Variants in INVS observed in about 807,000 individuals in gnomAD.
The protein encoded by INVS is inversin.
A neutral mutation model predicts 108.8 loss-of-function variants in INVS; 86 were observed. The observed-to-expected ratio is 0.79, with a 90% confidence interval of 0.66 to 0.95. The LOEUF (loss-of-function observed/expected upper bound fraction) is 0.95. Ranked by LOEUF, INVS falls within the 40% of genes least tolerant of loss-of-function variation. The probability of loss-of-function intolerance (pLI) is 0.00; values close to 1 mark genes in which losing one functional copy is unlikely to be tolerated. For missense variants in INVS, 1,169 were observed against 1,297.4 expected (o/e 0.90, Z 1.52); for synonymous variants, 455 against 473.5 (o/e 0.96, Z 0.51).
At chr9:100,168,358 C>T (rs1004545518) in intron 3 of INVS, among the ~76,000 whole-genome samples, 5 of 152,256 alleles carry the variant, frequency 3.3e-5, no homozygotes, top group East Asian at 1.9e-4. Context: ...CTGCTGGCAA[C>T]GATCAGCCTG....
At chr9:100,190,359 T>C (rs1271685209) in intron 3 of INVS, among the ~76,000 whole-genome samples, 1 of 152,198 alleles carries the variant, frequency 6.6e-6, no homozygotes, top group Non-Finnish European at 1.5e-5. Flanking sequence ...ATAGACCATT[T>C]ACATTTAACG....
Position 100,297,048 on chromosome 9 carries a change from T to C in INVS, c.2918T>C (p.Phe973Ser), listed in dbSNP as rs890318030. The C allele has an allele frequency of 1.4e-5, 23 of 1,613,364 alleles. No individual in the cohort carries two copies. The highest frequency in any genetic ancestry group is 1.9e-5 in the Non-Finnish European group (22 of 1,179,898). ...QVWRKELELKFPQTTAVSKAP... is the reference protein window; with the variant it reads ...QVWRKELELKSPQTTAVSKAP... ...TGGAGGAAGGAACTGGAACTAAAAT[T>C]CCCCCAAACCACTGCAGTAAGCAAG... The change falls in exon 15 of 17, where the codon TTC becomes TCC. Residue 973 changes from phenylalanine to serine, a missense_variant. By Grantham distance (155) the Phe-to-Ser change is radical (BLOSUM62 -2). Coordinates refer to ENST00000262457, the MANE Select transcript of INVS (RefSeq NM_014425.5).
chr9:100,280,666 T>C (rs1833247426), intron 12 of INVS, among the ~76,000 whole-genome samples: 2 of 152,224 alleles, frequency 1.3e-5, no homozygotes, highest in Non-Finnish European at 2.9e-5. Flanking sequence ...ACAAGTAAAA[T>C]AGATCTTTAT....
At chr9:100,106,042 A>G (rs903098028) in intron 2 of INVS, among the ~76,000 whole-genome samples, 5 of 151,948 alleles carry the variant, frequency 3.3e-5, no homozygotes, top group African/African-American at 1.2e-4. Context: ...TTTTTCTGTA[A>G]TGAATGTTTC....
chr9:100,238,121 C>T (rs1831748710), intron 5 of INVS, among the ~76,000 whole-genome samples: 1 of 151,970 alleles, frequency 6.6e-6, no homozygotes, highest in Admixed American at 6.6e-5. Flanking sequence ...TCAAGTGATC[C>T]ACCTACGTCA....
chr9:100,102,670 A>T (rs1347865719), intron 1 of INVS: 3 of 152,318 alleles, frequency 2.0e-5, no homozygotes, highest in Non-Finnish European at 4.4e-5. Flanking sequence ...TCAGGTGTCC[A>T]CTTTAAGTTT....
intron 3 of INVS, chr9:100,215,033 A>G (rs1359012977): frequency 3.9e-5 from 6 of 152,176 alleles, no homozygotes; most frequent in Non-Finnish European, 8.8e-5. Flanking sequence ...CCTGTAGCTT[A>G]TAGAAGGGTA....
At chr9:100,161,205 A>G (rs115144777) in intron 3 of INVS, among the ~76,000 whole-genome samples, 3 of 151,520 alleles carry the variant, frequency 2.0e-5, no homozygotes, top group African/African-American at 4.8e-5. Context: ...GTGAAACTCT[A>G]TCTGTACCAA....
intron 2 of INVS, among the ~76,000 whole-genome samples, chr9:100,108,646 C>T (rs1449475667): frequency 6.6e-6 from 1 of 151,952 alleles, no homozygotes; most frequent in Admixed American, 6.6e-5. Context: ...TTCTTGAATC[C>T]TTGTTCACCA....
intron 5 of INVS, among the ~76,000 whole-genome samples, chr9:100,237,756 G>C (rs1408794896): frequency 1.3e-5 from 2 of 152,130 alleles, no homozygotes; most frequent in African/African-American, 4.8e-5. Context: ...CTCACCTTCT[G>C]CATTGGTCTC....
chr9:100,241,168 A>G (rs1368950433), intron 6 of INVS, among the ~76,000 whole-genome samples: 1 of 152,044 alleles, frequency 6.6e-6, no homozygotes, highest in Non-Finnish European at 1.5e-5. Context: ...TGATGTTTAT[A>G]TGTGCACTCA....
intron 3 of INVS, 71 bp downstream of exon 3, chr9:100,126,620 CAATGGACAGATAATAAAGAAGTCTCA>C (rs1341316699): frequency 2.2e-6 from 3 of 1,374,514 alleles, no homozygotes; most frequent in Non-Finnish European, 3.1e-6. Context: ...TGGAACTATG[CAATGGACAGATAATAAAGAAGTCTCA>C]AATGCATGAC....
In INVS at chr9:100,264,944, C is replaced by CTTTTTTTTTTTTTTTTTTTTTTTTTTT; in HGVS notation, c.1571+32_1571+33insTTTTTTTTTTTTTTTTTTTTTTTTTTT. 2 of 1,241,804 alleles carry CTTTTTTTTTTTTTTTTTTTTTTTTTTT rather than the reference C, an allele frequency of 1.6e-6. No individual in the cohort carries two copies. Among genetic ancestry groups the CTTTTTTTTTTTTTTTTTTTTTTTTTTT allele is most frequent in the Non-Finnish European group, 1.1e-6 (1 of 881,874 alleles). 76.9% of individuals were successfully genotyped at this position (1,241,804 alleles called of 1,614,324 possible). The stretch of plus-strand genomic sequence containing the variant: ...ATGAAGAGAGGTAAGTTGTTGTTGA[C>CTTTTTTTTTTTTTTTTTTTTTTTTTTT]TTTTTTTTTTTTTTTTGAGATGGCT... On this transcript the variant is annotated intron_variant, in intron 11 of 16. Coordinates refer to ENST00000262457, the MANE Select transcript of INVS (RefSeq NM_014425.5).
chr9:100,193,925 G>A lies in INVS; in HGVS notation c.274-32137G>A, dbSNP rs577855157. 3.0e-4 allele frequency among the ~76,000 whole-genome samples: 45 copies of A among 152,262 alleles called. 1 individual carries two copies. In the South Asian group the frequency reaches 6.8e-3, roughly 23 times the overall value. On this transcript the variant is annotated intron_variant, in intron 3 of 16. Coordinates refer to ENST00000262457, the MANE Select transcript of INVS (RefSeq NM_014425.5). ...AGGTAAAAGTTTCAAGTTTACAGGCGTAAGCAACAGCACCTAGCCTTGGAT... is the reference window on the plus strand; with the variant it reads ...AGGTAAAAGTTTCAAGTTTACAGGCATAAGCAACAGCACCTAGCCTTGGAT...
In INVS at chr9:100,141,690, G is replaced by A. The variant is rs1008948846; in HGVS notation, c.273+15141G>A. 3.9e-5 allele frequency among the ~76,000 whole-genome samples: 6 copies of A among 152,272 alleles called. No homozygotes were observed. The South Asian group carries it at 6.2e-4, about 16-fold the overall frequency. ...CAGTCCTGGGCAGGGGCAAATCTCC[G>A]AGCTTGATATGTAGGAAAGGGAGGA... On this transcript the variant is annotated intron_variant, in intron 3 of 16. Coordinates refer to ENST00000262457, the MANE Select transcript of INVS (RefSeq NM_014425.5).
intron 13 of INVS, among the ~76,000 whole-genome samples, chr9:100,291,943 A>T (rs1365575208): frequency 6.6e-6 from 1 of 152,252 alleles, no homozygotes; most frequent in Non-Finnish European, 1.5e-5. Flanking sequence ...GTTAAAGCAC[A>T]GCCAGATATT....
intron 3 of INVS, among the ~76,000 whole-genome samples, chr9:100,217,058 C>G (rs1424662159): frequency 6.6e-6 from 1 of 152,126 alleles, no homozygotes; most frequent in Admixed American, 6.5e-5. Flanking sequence ...CCTGTAATCC[C>G]AGAACGTTGA....
chr9:100,134,659 G>A (rs1828167870), intron 3 of INVS, among the ~76,000 whole-genome samples: 1 of 152,102 alleles, frequency 6.6e-6, no homozygotes, highest in Non-Finnish European at 1.5e-5. Flanking sequence ...AGGTGGTATT[G>A]TGTTGTGGTT....
chr9:100,268,780 T>G (rs978170000), intron 11 of INVS, among the ~76,000 whole-genome samples: 1 of 152,144 alleles, frequency 6.6e-6, no homozygotes, highest in Non-Finnish European at 1.5e-5. Flanking sequence ...CTAAGAAGTC[T>G]AGTTCTTCTC....
Sources: gnomAD v4.1 joint callset for allele counts (sites outside exome capture counted in the v4.1 genomes callset) on GRCh38, gnomAD v4.1.1 for gene constraint, MANE v1.5 for transcripts, NCBI Gene and HGNC (gene_info 2026-07-23, HGNC 2026-07-21) for gene names.